PPP2R5E: variants seen among roughly 807,000 people sequenced by gnomAD.
PPP2R5E encodes protein phosphatase 2 regulatory subunit B'epsilon.
PPP2R5E carries 4 observed loss-of-function variants against 65.3 expected under a neutral mutation model. The observed-to-expected ratio is 0.06, with a 90% CI of 0.03 to 0.14. The LOEUF is 0.14. Ranked by LOEUF, PPP2R5E falls within the 10% of genes least tolerant of loss-of-function variation. The pLI is 1.00. For missense variants in PPP2R5E, 274 were observed against 556.1 expected, an observed-to-expected ratio of 0.49 and a Z score of 5.10; for synonymous variants, 183 against 187.4, an observed-to-expected ratio of 0.98 and a Z score of 0.19.
At chr14:63,456,903 C>T (rs112564183) in intron 2 of PPP2R5E, among the ~76,000 whole-genome samples, 1 of 151,924 alleles carries the variant, frequency 6.6e-6, no homozygotes, top group East Asian at 1.9e-4. Flanking sequence ...AGAATTAACA[C>T]AGCAAAAGCT....
At chr14:63,540,518 C>T (rs1024215553) in intron 1 of PPP2R5E, among the ~76,000 whole-genome samples, 3 of 149,766 alleles carry the variant, frequency 2.0e-5, no homozygotes, top group African/African-American at 4.9e-5. Flanking sequence ...AGTTCGAGAC[C>T]AGCCTGACCA....
intron 2 of PPP2R5E, among the ~76,000 whole-genome samples, chr14:63,466,343 C>G (rs1889801070): frequency 6.7e-6 from 1 of 150,232 alleles, no homozygotes; most frequent in East Asian, 2.0e-4. Context: ...TATTTTTGAA[C>G]CTCTGTTGGG....
chr14:63,436,085 C>T (rs1887939853), intron 3 of PPP2R5E, among the ~76,000 whole-genome samples: 1 of 152,178 alleles, frequency 6.6e-6, no homozygotes, highest in African/African-American at 2.4e-5. Context: ...CATGTGATAC[C>T]AAGGCTTTGC....
At chr14:63,485,426 T>G (rs1890936649) in intron 2 of PPP2R5E, among the ~76,000 whole-genome samples, 1 of 151,946 alleles carries the variant, frequency 6.6e-6, no homozygotes, top group African/African-American at 2.4e-5. Context: ...TTTGGGGGGT[T>G]TTTTTGAGAC....
chr14:63,454,629 G>A (rs112483374), intron 2 of PPP2R5E, among the ~76,000 whole-genome samples: 1,863 of 152,282 alleles, frequency 0.012, 36 homozygotes, highest in African/African-American at 0.043. Context: ...TTGGCTTGGC[G>A]TTGTTTCTAA....
chr14:63,440,282 T>G (rs1888155074), intron 3 of PPP2R5E, among the ~76,000 whole-genome samples: 2 of 151,862 alleles, frequency 1.3e-5, no homozygotes, highest in Admixed American at 1.3e-4. Flanking sequence ...AGACTGGGAA[T>G]AAGTGGTAGG....
At chr14:63,480,244 G>GGCC (rs939380166) in intron 2 of PPP2R5E, among the ~76,000 whole-genome samples, 83 of 152,166 alleles carry the variant, frequency 5.5e-4, no homozygotes, top group African/African-American at 2.0e-3. Context: ...GATCATGGGA[G>GGCC]GCCAGGAGTT....
At chr14:63,465,335 C>A (rs527836656) in intron 2 of PPP2R5E, among the ~76,000 whole-genome samples, 1 of 150,536 alleles carries the variant, frequency 6.6e-6, no homozygotes, top group African/African-American at 2.4e-5. Context: ...AATTTTTGAC[C>A]GGGCATGGTG....
At chr14:63,527,439 A>T (rs1357621182) in intron 2 of PPP2R5E, among the ~76,000 whole-genome samples, 1 of 152,250 alleles carries the variant, frequency 6.6e-6, no homozygotes. Context: ...GTGTTAAAGG[A>T]ACAAAAATCA....
intron 2 of PPP2R5E, among the ~76,000 whole-genome samples, chr14:63,510,941 G>C (rs777426000): frequency 6.6e-6 from 1 of 152,196 alleles, no homozygotes. Flanking sequence ...TAGCAAAGGA[G>C]GCAGAGAAGA....
At chr14:63,501,156 T>G (rs913165745) in intron 2 of PPP2R5E, among the ~76,000 whole-genome samples, 1 of 152,024 alleles carries the variant, frequency 6.6e-6, no homozygotes, top group Non-Finnish European at 1.5e-5. Flanking sequence ...TCCCAGCACT[T>G]TGGGAGGCCG....
intron 5 of PPP2R5E, among the ~76,000 whole-genome samples, chr14:63,401,426 C>G (rs983536438): frequency 2.0e-5 from 3 of 152,130 alleles, no homozygotes; most frequent in Non-Finnish European, 4.4e-5. Context: ...GAAGCTGGAG[C>G]GTTTCCAAGG....
intron 2 of PPP2R5E, among the ~76,000 whole-genome samples, chr14:63,465,463 AAAAAAAAAAACAAC>A: frequency 2.3e-5 from 3 of 133,036 alleles, no homozygotes; most frequent in Admixed American, 7.0e-5. Flanking sequence ...AAAAAAAAAA[AAAAAAAAAAACAAC>A]AACTAACAAA....
intron 2 of PPP2R5E, among the ~76,000 whole-genome samples, chr14:63,482,207 G>A (rs1248237293): frequency 6.6e-6 from 1 of 152,230 alleles, no homozygotes; most frequent in East Asian, 1.9e-4. Flanking sequence ...ACTCATGTCT[G>A]TAATCCCAGC....
At position 63,477,940 on chromosome 14, in the gene PPP2R5E, A is replaced by C. The variant is rs188129965; in HGVS notation, c.158-24055T>G. Among the ~76,000 whole-genome samples the C allele has an allele frequency of 2.1e-4, 32 of 152,284 alleles. No homozygotes were observed. The East Asian group carries it at 4.4e-3, about 21-fold the overall frequency. On this transcript the variant is annotated intron_variant, in intron 2 of 13. Coordinates refer to ENST00000337537, the MANE Select transcript of PPP2R5E (RefSeq NM_006246.5). ...CGAGAGAAACAATGAAGTCCAACTGATATTGCTCTTACACAAAACATGGAC... is the reference window on the plus strand; with the variant it reads ...CGAGAGAAACAATGAAGTCCAACTGCTATTGCTCTTACACAAAACATGGAC...
chr14:63,451,697 G>C (rs955627572), intron 3 of PPP2R5E: 1 of 152,040 alleles, frequency 6.6e-6, no homozygotes, highest in Non-Finnish European at 1.5e-5. Context: ...GAGCCCTAAC[G>C]TGAACTCTGA....
intron 2 of PPP2R5E, 86 bp from the exon 3 acceptor site, chr14:63,453,971 C>A: frequency 1.9e-6 from 2 of 1,075,936 alleles, no homozygotes; most frequent in South Asian, 2.3e-5. Flanking sequence ...CAAAGGCAAG[C>A]TAAAAAAAAA....
At chr14:63,433,887 G>A in intron 3 of PPP2R5E, among the ~76,000 whole-genome samples, 1 of 152,094 alleles carries the variant, frequency 6.6e-6, no homozygotes, top group Non-Finnish European at 1.5e-5. Context: ...GACTTTCCTT[G>A]CTGCTGCTTT....
intron 3 of PPP2R5E, among the ~76,000 whole-genome samples, chr14:63,429,184 T>C (rs753011411): frequency 6.6e-6 from 1 of 152,222 alleles, no homozygotes; most frequent in Non-Finnish European, 1.5e-5. Context: ...CTTTGTGATT[T>C]AGAATGTATT....
Sources: gnomAD v4.1 joint callset for allele counts (sites outside exome capture counted in the v4.1 genomes callset) on GRCh38, gnomAD v4.1.1 for gene constraint, MANE v1.5 for transcripts, NCBI Gene and HGNC (gene_info 2026-07-23, HGNC 2026-07-21) for gene names.